The following HSD17B3 variants were observed in gnomAD, a reference collection of about 807,000 sequenced individuals.
HSD17B3 encodes hydroxysteroid 17-beta dehydrogenase 3.
Under a neutral mutation model 41.1 loss-of-function variants are expected in HSD17B3, and 29 were observed. The observed-to-expected ratio is 0.71, with a 90% CI of 0.53 to 0.96. HSD17B3 has a LOEUF of 0.96. HSD17B3 is among the 40% of genes least tolerant of loss of function. The pLI, the probability that HSD17B3 is intolerant of heterozygous loss-of-function variation, is 0.00. For synonymous variants in HSD17B3, 126 were observed against 145.6 expected (o/e 0.87, Z 0.97); for missense variants, 323 against 374.6 (o/e 0.86, Z 1.14).
At chr9:96,294,215 G>A (rs1334056473) in intron 2 of HSD17B3, among the ~76,000 whole-genome samples, 1 of 148,756 alleles carries the variant, frequency 6.7e-6, no homozygotes, top group Non-Finnish European at 1.5e-5. Context: ...AGGAATTTGA[G>A]AACAGCCTGG....
intron 2 of HSD17B3, among the ~76,000 whole-genome samples, chr9:96,275,838 AAAC>A (rs1826429029): frequency 6.6e-6 from 1 of 152,150 alleles, no homozygotes; most frequent in African/African-American, 2.4e-5. Flanking sequence ...AAGAGGGACA[AAAC>A]AACCACAAAA....
rs908851615 is a variant in HSD17B3, at chr9:96,259,996, T to C, written c.202-5053A>G. ...TCATGATCTTGGCAGACACCTCCTA[T>C]ACAATGTTAAGCAGTTGCAGTAACA... is the stretch of plus-strand genomic sequence containing the variant. On this transcript the variant is annotated intron_variant, in intron 2 of 10. Transcript: ENST00000375263. Among the ~76,000 whole-genome samples the C allele has an allele frequency of 3.9e-5, 6 of 152,184 alleles. No individual in the cohort carries two copies. In the East Asian group the frequency reaches 9.6e-4, roughly 24 times the overall value.
intron 10 of HSD17B3, among the ~76,000 whole-genome samples, chr9:96,238,334 G>A (rs1319190379): frequency 1.3e-5 from 2 of 151,774 alleles, no homozygotes; most frequent in Non-Finnish European, 2.9e-5. Context: ...CACTGGAGAG[G>A]GCTAAGCTGT....
intron 2 of HSD17B3, among the ~76,000 whole-genome samples, chr9:96,272,405 C>CTCTCTCTCTCTCTCTCTATATATA (rs1239816824): frequency 9.3e-5 from 2 of 21,532 alleles, no homozygotes; most frequent in Non-Finnish European, 1.8e-4. Context: ...CTCTCTCTCT[C>CTCTCTCTCTCTCTCTCTATATATA]TATATATATA....
At chr9:96,247,966 A>C (rs771849231) in intron 6 of HSD17B3, among the ~76,000 whole-genome samples, 1 of 152,334 alleles carries the variant, frequency 6.6e-6, no homozygotes, top group East Asian at 1.9e-4. Flanking sequence ...TATACTTAGA[A>C]GCTAAACTTC....
At chr9:96,262,041 G>A (rs1825879297) in intron 2 of HSD17B3, among the ~76,000 whole-genome samples, 1 of 152,066 alleles carries the variant, frequency 6.6e-6, no homozygotes, top group Non-Finnish European at 1.5e-5. Context: ...GGATCAGTGA[G>A]GCAACAGGAG....
At chr9:96,285,309 G>A (rs1475065709) in intron 2 of HSD17B3, among the ~76,000 whole-genome samples, 3 of 152,162 alleles carry the variant, frequency 2.0e-5, no homozygotes, top group Admixed American at 6.5e-5. Context: ...TGGTACACGT[G>A]TATCAAATTC....
intron 2 of HSD17B3, 151 bp from the exon 3 acceptor site, chr9:96,255,094 T>C: frequency 2.7e-6 from 2 of 733,570 alleles, no homozygotes; most frequent in Non-Finnish European, 4.9e-6. Flanking sequence ...GTGACAAAGC[T>C]TTCTGGGCTA....
chr9:96,249,958 C>G, intron 5 of HSD17B3, 172 bp from the exon 6 acceptor site: 1 of 1,508,170 alleles, frequency 6.6e-7, no homozygotes, highest in Admixed American at 2.0e-5. Flanking sequence ...GTACTAGCAT[C>G]AAGAAACATC....
At chr9:96,279,836 CT>C (rs1826615186) in intron 2 of HSD17B3, among the ~76,000 whole-genome samples, 1 of 151,530 alleles carries the variant, frequency 6.6e-6, no homozygotes, top group African/African-American at 2.4e-5. Context: ...GTGGCGCGAT[CT>C]CGGCTCACGG....
intron 2 of HSD17B3, among the ~76,000 whole-genome samples, chr9:96,264,906 G>A (rs991757094): frequency 6.6e-6 from 1 of 152,018 alleles, no homozygotes; most frequent in African/African-American, 2.4e-5. Flanking sequence ...GACCAGAATC[G>A]CATACATTCT....
chr9:96,236,175 G>A (rs1326940638), intron 10 of HSD17B3, among the ~76,000 whole-genome samples: 1 of 151,752 alleles, frequency 6.6e-6, no homozygotes, highest in Admixed American at 6.6e-5. Context: ...CTCTTAGTGA[G>A]TATGTCCCCA....
At chr9:96,295,053 C>T (rs1827297379) in intron 2 of HSD17B3, among the ~76,000 whole-genome samples, 2 of 127,598 alleles carry the variant, frequency 1.6e-5, no homozygotes. Context: ...TGTCGCCAGG[C>T]TGGTATGCAG....
intron 2 of HSD17B3, among the ~76,000 whole-genome samples, chr9:96,257,096 G>A (rs945264357): frequency 6.6e-6 from 1 of 152,040 alleles, no homozygotes; most frequent in South Asian, 2.1e-4. Context: ...TGAGGCCTCC[G>A]AAGCCGAGCA....
At chr9:96,235,832 G>T (rs1836216935) in intron 10 of HSD17B3, among the ~76,000 whole-genome samples, 2 of 151,922 alleles carry the variant, frequency 1.3e-5, no homozygotes, top group African/African-American at 4.8e-5. Context: ...TTGAGACAAG[G>T]TCTTGCTCTG....
intron 2 of HSD17B3, among the ~76,000 whole-genome samples, chr9:96,259,992 C>A (rs1220613650): frequency 6.6e-6 from 1 of 152,136 alleles, no homozygotes; most frequent in Non-Finnish European, 1.5e-5. Context: ...GCAGACACCT[C>A]CTATACAATG....
At chr9:96,269,500 G>A (rs1234468238) in intron 2 of HSD17B3, among the ~76,000 whole-genome samples, 1 of 152,158 alleles carries the variant, frequency 6.6e-6, no homozygotes. Flanking sequence ...TGCTGTAGTA[G>A]AATAGAATAC....
intron 2 of HSD17B3, among the ~76,000 whole-genome samples, chr9:96,257,440 C>T (rs1825710987): frequency 6.7e-6 from 1 of 148,548 alleles, no homozygotes; most frequent in Non-Finnish European, 1.5e-5. Context: ...GTTGAGCCTT[C>T]TCTAACTATC....
chr9:96,248,711 G>A (rs1341058460), intron 6 of HSD17B3, among the ~76,000 whole-genome samples: 5 of 152,176 alleles, frequency 3.3e-5, no homozygotes, highest in African/African-American at 4.8e-5. Flanking sequence ...GGGGGAACAC[G>A]TCATTCACAC....
Sources: allele counts gnomAD v4.1 joint callset (sites outside exome capture counted in the v4.1 genomes callset), GRCh38; gene constraint gnomAD v4.1.1; transcripts MANE v1.5; gene names NCBI Gene and HGNC (gene_info 2026-07-23, HGNC 2026-07-21).